The following ZDHHC11B variants were observed in gnomAD, a reference collection of about 807,000 sequenced individuals.
ZDHHC11B encodes the protein zDHHC palmitoyltransferase 11B (putative).
ZDHHC11B carries 17 observed loss-of-function variants against 42.3 expected under a neutral mutation model. That is an observed-to-expected ratio of 0.40 (90% CI 0.27 to 0.60). The LOEUF is 0.60. Among genes scored for constraint, ZDHHC11B ranks in the 20% least tolerant of loss-of-function variants. The probability of loss-of-function intolerance (pLI) is 0.41; values close to 1 mark genes in which losing one functional copy is unlikely to be tolerated. For missense variants in ZDHHC11B, 262 were observed against 463.2 expected (o/e 0.57, Z 3.99); for synonymous variants, 123 against 193.5 (o/e 0.64, Z 3.02).
intron 1 of ZDHHC11B, among the ~76,000 whole-genome samples, chr5:777,766 C>G (rs1258049991): frequency 3.3e-5 from 5 of 151,998 alleles, no homozygotes; most frequent in Non-Finnish European, 5.9e-5. Context: ...CTAGCTTTCT[C>G]TATCGGATCC....
At chr5:716,444 C>G (rs1376357674) in intron 13 of ZDHHC11B, among the ~76,000 whole-genome samples, 5 of 151,794 alleles carry the variant, frequency 3.3e-5, no homozygotes, top group East Asian at 1.9e-4. Context: ...AATCAGAAAC[C>G]ATCTTAAAAT....
intron 8 of ZDHHC11B, among the ~76,000 whole-genome samples, chr5:746,769 G>T (rs1744890311): frequency 6.7e-6 from 1 of 149,662 alleles, no homozygotes; most frequent in African/African-American, 2.4e-5. Flanking sequence ...CACGTGCTCA[G>T]CACACAGTGG....
chr5:728,285 T>C (rs1183539201), intron 12 of ZDHHC11B, among the ~76,000 whole-genome samples: 2 of 151,960 alleles, frequency 1.3e-5, no homozygotes, highest in African/African-American at 4.8e-5. Flanking sequence ...TGAAGGAAAT[T>C]TGCATTGTTT....
intron 4 of ZDHHC11B, among the ~76,000 whole-genome samples, chr5:758,786 G>A (rs1734191183): frequency 6.6e-6 from 1 of 151,916 alleles, no homozygotes; most frequent in Non-Finnish European, 1.5e-5. Flanking sequence ...ACACTAGGGT[G>A]CCCTGCTGTC....
At chr5:713,261 T>A (rs752720563) in intron 13 of ZDHHC11B, among the ~76,000 whole-genome samples, 75 of 152,106 alleles carry the variant, frequency 4.9e-4, no homozygotes, top group Non-Finnish European at 7.9e-4. Context: ...CAACTGTCTA[T>A]TTTGTTGTTA....
intron 2 of ZDHHC11B, 46 bp from the exon 3 acceptor site, chr5:767,570 G>A: frequency 7.4e-7 from 1 of 1,355,188 alleles, no homozygotes; most frequent in Non-Finnish European, 1.0e-6. Context: ...TCACTGGAAG[G>A]ACTCGGTGTG....
At chr5:754,509 TCCACC>T in intron 6 of ZDHHC11B, among the ~76,000 whole-genome samples, 1 of 118,776 alleles carries the variant, frequency 8.4e-6, no homozygotes, top group Non-Finnish European at 1.8e-5. Flanking sequence ...TCCTTGCATC[TCCACC>T]GTGCTCAGGG....
intron 12 of ZDHHC11B, among the ~76,000 whole-genome samples, chr5:728,753 G>T (rs1742779591): frequency 6.6e-6 from 1 of 151,926 alleles, no homozygotes; most frequent in African/African-American, 2.4e-5. Context: ...CAGACACAGT[G>T]ACTCATGTCT....
At chr5:754,274 C>T (rs1400671174) in intron 6 of ZDHHC11B, among the ~76,000 whole-genome samples, 5 of 128,370 alleles carry the variant, frequency 3.9e-5, no homozygotes, top group African/African-American at 7.9e-5. Context: ...CGTCTATGAG[C>T]CTCCACCGTG....
chr5:713,601 T>G (rs1483625059), intron 13 of ZDHHC11B, among the ~76,000 whole-genome samples: 4 of 152,040 alleles, frequency 2.6e-5, no homozygotes, highest in African/African-American at 9.7e-5. Context: ...GAAGGAATTA[T>G]GCTTGGCTCC....
At chr5:773,310 G>A (rs1389899366) in intron 1 of ZDHHC11B, among the ~76,000 whole-genome samples, 3 of 151,820 alleles carry the variant, frequency 2.0e-5, no homozygotes, top group African/African-American at 4.8e-5. Flanking sequence ...CTGAGCCCTG[G>A]GTGCAGACCC....
intron 1 of ZDHHC11B, among the ~76,000 whole-genome samples, chr5:775,163 G>A (rs567893585): frequency 2.0e-5 from 3 of 151,826 alleles, no homozygotes; most frequent in African/African-American, 7.3e-5. Flanking sequence ...GGTCACAAGT[G>A]TCCTGCAGGC....
rs749832201 is a variant in ZDHHC11B at position 730,425 on chromosome 5, C to T, written c.1058+9G>A. On this transcript the variant is annotated intron_variant, in intron 12 of 13. Transcript: ENST00000508859. ...AGATAAAACGTTCCCATTAAACTTACGAACTTACCCAAGTGTAGATGTACT... is the reference window on the plus strand; with the variant it reads ...AGATAAAACGTTCCCATTAAACTTATGAACTTACCCAAGTGTAGATGTACT... 3.0e-5 allele frequency: 47 copies of T among 1,577,694 alleles called. No individual in the cohort carries two copies. Among genetic ancestry groups the T allele is most frequent in the South Asian group, 1.2e-4 (10 of 83,000 alleles).
chr5:778,906 A>T (rs1220133876), intron 1 of ZDHHC11B, among the ~76,000 whole-genome samples: 1 of 151,796 alleles, frequency 6.6e-6, no homozygotes, highest in African/African-American at 2.4e-5. Context: ...AGATTCAGCT[A>T]TGGGGGCCAG....
At chr5:766,512 C>A (rs1193469321) in intron 4 of ZDHHC11B, among the ~76,000 whole-genome samples, 186 bp downstream of exon 4, 4 of 151,834 alleles carry the variant, frequency 2.6e-5, no homozygotes, top group Non-Finnish European at 5.9e-5. Flanking sequence ...TGTCCTGACC[C>A]TGAGCAGGGG....
intron 1 of ZDHHC11B, among the ~76,000 whole-genome samples, chr5:784,410 G>A (rs1442108990): frequency 3.3e-5 from 5 of 152,198 alleles, no homozygotes; most frequent in African/African-American, 1.2e-4. Flanking sequence ...CCTGTCCCTG[G>A]CGCGGCCGAC....
intron 13 of ZDHHC11B, among the ~76,000 whole-genome samples, chr5:712,631 C>T (rs1196158725): frequency 2.0e-5 from 3 of 148,960 alleles, no homozygotes; most frequent in African/African-American, 7.4e-5. Flanking sequence ...TTTCTTTGGC[C>T]AGGTGTGGTG....
At position 711,766 on chromosome 5, in the gene ZDHHC11B, G is replaced by C. The variant is rs1403149867; in HGVS notation, c.*524C>G. On this transcript the variant is annotated 3_prime_UTR_variant, in exon 14 of 14. Coordinates refer to ENST00000508859, the MANE Select transcript of ZDHHC11B (RefSeq NM_001351303.2). ...CACTGTGCTCCCATTTCCCATTACT[G>C]TGCTCCCATTTCCCAGCACTGTGAT... 6.5e-6 allele frequency: 1 copy of C among 154,008 alleles called. No individual in the cohort carries two copies. Among genetic ancestry groups the C allele is most frequent in the African/African-American group, 2.5e-5 (1 of 40,158 alleles). The allele number at this position is 154,008 out of a possible 1,614,324, so 9.5% of individuals were successfully genotyped here. A position where few individuals can be genotyped will look rare whatever the true frequency, so the allele number is the denominator to read the frequency against.
chr5:780,811 A>C (rs1240334074), intron 1 of ZDHHC11B, among the ~76,000 whole-genome samples: 8 of 151,916 alleles, frequency 5.3e-5, no homozygotes, highest in African/African-American at 1.9e-4. Flanking sequence ...AGGCACTGAG[A>C]AGGCAGAGGT....
Sources: allele counts gnomAD v4.1 joint callset (sites outside exome capture counted in the v4.1 genomes callset), GRCh38; gene constraint gnomAD v4.1.1; transcripts MANE v1.5; gene names NCBI Gene and HGNC (gene_info 2026-07-23, HGNC 2026-07-21).